The following LMTK3 variants were observed in gnomAD, a reference collection of about 807,000 sequenced individuals.
The protein encoded by LMTK3 is lemur tail kinase 3.
LMTK3 carries 27 observed loss-of-function variants against 116.7 expected under a neutral mutation model. That is an observed-to-expected ratio of 0.23 (90% CI 0.17 to 0.32). The LOEUF is 0.32. Ranked by LOEUF, LMTK3 falls within the 10% of genes least tolerant of loss-of-function variation. LMTK3 has a pLI of 1.00. For synonymous variants in LMTK3, 965 were observed against 971.0 expected (o/e 0.99, Z 0.11); for missense variants, 1,764 against 2,068.5 (o/e 0.85, Z 2.86).
At chr19:48,509,682 G>C (rs1044811100) in intron 3 of LMTK3, among the ~76,000 whole-genome samples, 169 bp from the exon 4 acceptor site, 2 of 152,066 alleles carry the variant, frequency 1.3e-5, no homozygotes, top group Non-Finnish European at 2.9e-5. Context: ...TGCTCACAAG[G>C]CTCCAGCATC....
chr19:48,489,669 A>T (rs1390583814), intron 14 of LMTK3, among the ~76,000 whole-genome samples: 1 of 152,236 alleles, frequency 6.6e-6, no homozygotes, highest in Non-Finnish European at 1.5e-5. Context: ...AAGCCATTTA[A>T]TTCCCTCAGC....
chr19:48,502,639 G>A, intron 6 of LMTK3, 58 bp from the exon 7 acceptor site: 1 of 1,501,380 alleles, frequency 6.7e-7, no homozygotes. Context: ...CAGCTAGTCG[G>A]CCCGGAGGCT....
Position 48,499,394 on chromosome 19 carries a change from G to C in LMTK3, c.1675C>G (p.Pro559Ala). 1 of 1,448,312 alleles carries C rather than the reference G, an allele frequency of 6.9e-7. No individual in the cohort carries two copies. Among genetic ancestry groups the C allele is most frequent in the Non-Finnish European group, 9.1e-7 (1 of 1,099,312 alleles). The allele number at this position is 1,448,312 out of a possible 1,614,324, so 89.7% of individuals were successfully genotyped here. A position where few individuals can be genotyped will look rare whatever the true frequency, so the allele number is the denominator to read the frequency against. Residue 559 changes from proline (P) to alanine (A), a missense_variant, in exon 11 of 15, where the codon CCC becomes GCC. Physicochemically the swap from Pro to Ala is conservative, Grantham distance 27 (BLOSUM62 -1). Transcript: ENST00000600059. ...GGGGCGGGCACTCCTGGGTCCAGGG[G>C]GTCCCAGTCGTTGGGGAAGAGGGGC... is the stretch of plus-strand genomic sequence containing the variant. ...PEPLFPNDWD[P>A]LDPGVPAPQA...
chr19:48,503,770 G>C (rs1972515330), intron 5 of LMTK3, among the ~76,000 whole-genome samples: 1 of 151,566 alleles, frequency 6.6e-6, no homozygotes, highest in Non-Finnish European at 1.5e-5. Context: ...CTTAGGCCCG[G>C]GCCTTTGCAC....
chr19:48,506,002 TGTG>T (rs1417830327), intron 5 of LMTK3, among the ~76,000 whole-genome samples: 2 of 150,228 alleles, frequency 1.3e-5, no homozygotes, highest in African/African-American at 2.5e-5. Context: ...ATTAGCCAGA[TGTG>T]GTGGTGGGCG....
rs1358627351 is a variant in LMTK3, at chr19:48,498,811, G to A, written c.2258C>T (p.Pro753Leu). The A allele has an allele frequency of 4.3e-6, 5 of 1,153,172 alleles. No individual in the cohort carries two copies. The highest frequency in any genetic ancestry group is 2.0e-5 in the South Asian group (1 of 48,908). The allele number at this position is 1,153,172 out of a possible 1,614,324, so 71.4% of individuals were successfully genotyped here. ...QYPGRGPPPA[P>L]PPPPPPPRAP... Reference sequence around the variant, plus strand: ...CCGAGGAGGTGGCGGCGGGGGGGGGGGAGCGGGAGGTGGCCCCCGCCCGGG... The same window carrying A: ...CCGAGGAGGTGGCGGCGGGGGGGGGAGAGCGGGAGGTGGCCCCCGCCCGGG... The change falls in exon 11 of 15, where the codon CCC (proline) becomes CTC (leucine). Residue 753 changes from proline to leucine, a missense_variant. Pro to Leu is a moderately conservative substitution (Grantham distance 98). Transcript: ENST00000600059.
At chr19:48,506,330 G>A (rs1055751617) in intron 5 of LMTK3, among the ~76,000 whole-genome samples, 2 of 151,940 alleles carry the variant, frequency 1.3e-5, no homozygotes, top group African/African-American at 4.8e-5. Flanking sequence ...CCTAGGATAA[G>A]AATTTGGTGT....
rs951022120 is a variant in LMTK3 at position 48,494,982 on chromosome 19, T to C, written c.3677-873A>G. Among the ~76,000 whole-genome samples, 1 of 152,008 alleles carries C rather than the reference T, an allele frequency of 6.6e-6. No homozygotes were observed. The highest frequency in any genetic ancestry group is 1.5e-5 in the Non-Finnish European group (1 of 67,988). On this transcript the variant is annotated intron_variant, in intron 11 of 14. Coordinates refer to ENST00000600059, the MANE Select transcript of LMTK3 (RefSeq NM_001388485.1). This position sits in a 1 kb window ranked among gnomAD's most constrained non-coding sequence, Gnocchi z 4.0. The stretch of plus-strand genomic sequence containing the variant: ...CAGACATCTCAGGGTGATGGGGTTA[T>C]GGGCGATGCTTCATAGAGGGAGTGT...
At chr19:48,487,482 T>A (rs1457043955) in intron 14 of LMTK3, among the ~76,000 whole-genome samples, 1 of 152,156 alleles carries the variant, frequency 6.6e-6, no homozygotes, top group East Asian at 1.9e-4. Context: ...GCCTACCCTG[T>A]CCTTGTGGAA....
At chr19:48,493,592 C>T in intron 12 of LMTK3, 102 bp downstream of exon 12, 1 of 1,421,632 alleles carries the variant, frequency 7.0e-7, no homozygotes, top group Non-Finnish European at 9.3e-7. Flanking sequence ...CTCCAGGCCC[C>T]GCCCAACTCT....
intron 12 of LMTK3, among the ~76,000 whole-genome samples, chr19:48,492,962 C>A (rs1210856352): frequency 6.6e-6 from 1 of 151,196 alleles, no homozygotes; most frequent in Non-Finnish European, 1.5e-5. Flanking sequence ...CTCAAAGCCT[C>A]CTCCCATCTT....
chr19:48,506,377 G>A (rs913720105), intron 5 of LMTK3, among the ~76,000 whole-genome samples: 1 of 152,156 alleles, frequency 6.6e-6, no homozygotes, highest in Non-Finnish European at 1.5e-5. Flanking sequence ...TAGACTAGTA[G>A]TAGATGCTCA....
At position 48,498,686 on chromosome 19, in the gene LMTK3, A is replaced by G. The variant is rs1972387357; in HGVS notation, c.2383T>C (p.Tyr795His). 6.5e-7 allele frequency: 1 copy of G among 1,535,048 alleles called. No homozygotes were observed. Among genetic ancestry groups the G allele is most frequent in the Non-Finnish European group, 8.7e-7 (1 of 1,145,232 alleles). Residue 795 changes from tyrosine (Y) to histidine (H), a missense_variant, in exon 11 of 15, where the codon TAC (tyrosine) becomes CAC (histidine). Coordinates refer to ENST00000600059, the MANE Select transcript of LMTK3 (RefSeq NM_001388485.1). ...GGGGAAAAAGGGGTCTCGGTCTCGT[A>G]GCCGCTGTCCCCCGGCTTGGGGCCC... ...SPGPKPGDSG[Y>H]ETETPFSPEG...
rs1803314731 is a variant in LMTK3 at position 48,500,395 on chromosome 19, G to A, written c.1152-478C>T. Among the ~76,000 whole-genome samples the A allele has an allele frequency of 6.6e-6, 1 of 150,580 alleles. No individual in the cohort carries two copies. Among genetic ancestry groups the A allele is most frequent in the Non-Finnish European group, 1.5e-5 (1 of 67,836 alleles). On this transcript the variant is annotated intron_variant, in intron 10 of 14. Transcript: ENST00000600059. This position sits in a 1 kb window ranked among gnomAD's most constrained non-coding sequence, Gnocchi z 4.0. ...GCCAAGATCGTGCCATCGCACTCCA[G>A]CCTGGGCAACAAAAGCAAAAATCTG... is the stretch of plus-strand genomic sequence containing the variant.
At chr19:48,492,007 C>G (rs981593310) in intron 12 of LMTK3, among the ~76,000 whole-genome samples, 22 of 151,922 alleles carry the variant, frequency 1.4e-4, no homozygotes, top group Admixed American at 8.5e-4. Flanking sequence ...CAGAAGTAGA[C>G]CTGCTCCCGC....
At position 48,500,022 on chromosome 19, in the gene LMTK3, G is replaced by T; in HGVS notation, c.1152-105C>A. On this transcript the variant is annotated intron_variant, in intron 10 of 14. Coordinates refer to ENST00000600059, the MANE Select transcript of LMTK3 (RefSeq NM_001388485.1). This position sits in a 1 kb window ranked among gnomAD's most constrained non-coding sequence, Gnocchi z 4.0. ...AGAGAGGGGGACAGAGACCCAGAGG[G>T]TAACAGAGACCCAGAGAGAGGGGGA... The T allele has an allele frequency of 3.5e-6, 4 of 1,148,216 alleles. No homozygotes were observed. Among genetic ancestry groups the T allele is most frequent in the Non-Finnish European group, 2.4e-6 (2 of 831,116 alleles). The allele number at this position is 1,148,216 out of a possible 1,614,324, so 71.1% of individuals were successfully genotyped here.
intron 1 of LMTK3, 46 bp from the exon 2 acceptor site, chr19:48,510,638 A>C: frequency 6.7e-7 from 1 of 1,497,278 alleles, no homozygotes; most frequent in Middle Eastern, 2.3e-4. Flanking sequence ...AAGTCCCTGG[A>C]TACCGGAATC....
intron 3 of LMTK3, 43 bp downstream of exon 3, chr19:48,509,980 T>A (rs1972629774): frequency 6.2e-7 from 1 of 1,606,438 alleles, no homozygotes; most frequent in African/African-American, 1.3e-5. Flanking sequence ...TTCTGGCCTT[T>A]CCCGGGACAC....
At position 48,486,694 on chromosome 19, in the gene LMTK3, C is replaced by T. The variant is rs889812498; in HGVS notation, c.4367-905G>A. ...CTGGGACTACAGGTGCCCACGACTACGCCCGGCTAATTTTTTGTAGTTTTA... is the reference window on the plus strand; with the variant it reads ...CTGGGACTACAGGTGCCCACGACTATGCCCGGCTAATTTTTTGTAGTTTTA... On this transcript the variant is annotated intron_variant, in intron 14 of 14. Coordinates refer to ENST00000600059, the MANE Select transcript of LMTK3 (RefSeq NM_001388485.1). Among the ~76,000 whole-genome samples, 18 of 151,896 alleles carry T rather than the reference C, an allele frequency of 1.2e-4. 1 individual carries two copies. The highest frequency in any genetic ancestry group is 5.9e-4 in the Admixed American group (9 of 15,232).
Sources: gnomAD v4.1 joint callset for allele counts (sites outside exome capture counted in the v4.1 genomes callset) on GRCh38, gnomAD v4.1.1 for gene constraint, Gnocchi (gnomAD v3.1) non-coding constraint, MANE v1.5 for transcripts, NCBI Gene and HGNC (gene_info 2026-07-23, HGNC 2026-07-21) for gene names.